KDM2B: variants seen among roughly 807,000 people sequenced by gnomAD.
The protein encoded by KDM2B is lysine-specific demethylase 2B.
Under a neutral mutation model 150.0 loss-of-function variants are expected in KDM2B, and 26 were observed. The ratio of observed to expected loss-of-function variants is 0.17; its 90% CI spans 0.13 to 0.24. The LOEUF (loss-of-function observed/expected upper bound fraction) is 0.24. KDM2B is among the 10% of genes least tolerant of loss of function. KDM2B has a pLI of 1.00. For missense variants in KDM2B, 1,265 were observed against 1,816.9 expected, an observed-to-expected ratio of 0.70 and a Z score of 5.52; for synonymous variants, 734 against 729.5, an observed-to-expected ratio of 1.01 and a Z score of -0.10.
At chr12:121,416,446 T>A in the KDM2B span, 1 of 1,041,190 alleles carries the variant, frequency 9.6e-7, no homozygotes, top group Non-Finnish European at 1.5e-6. Context: ...TTATTTTGAA[T>A]AGCTATTGAA....
At chr12:121,424,566 T>G (rs1872415548), downstream of KDM2B, among the ~76,000 whole-genome samples, 1 of 151,796 alleles carries the variant, frequency 6.6e-6, no homozygotes, top group South Asian at 2.1e-4. Context: ...ACCCTGTCTT[T>G]GGAAAAAATT....
chr12:121,467,098 A>G lies in KDM2B; in HGVS notation c.1735-13754T>C. Reference sequence around the variant, plus strand: ...GTCGCGGCCGCCCTCGGCGCGTCAGACAGGCGGTCGGGAGGTCGTGCGGCG... The same window carrying G: ...GTCGCGGCCGCCCTCGGCGCGTCAGGCAGGCGGTCGGGAGGTCGTGCGGCG... On this transcript the variant is annotated intron_variant, in intron 12 of 22. Transcript: ENST00000377071. The surrounding 1 kb of genome is among the most constrained non-coding windows in gnomAD (Gnocchi z 5.1). The G allele has an allele frequency of 9.9e-7, 1 of 1,012,556 alleles. No homozygotes were observed. The highest frequency in any genetic ancestry group is 2.0e-5 in the South Asian group (1 of 51,084). 62.7% of individuals were successfully genotyped at this position (1,012,556 alleles called of 1,614,324 possible). A position where few individuals can be genotyped will look rare whatever the true frequency, so the allele number is the denominator to read the frequency against.
chr12:121,425,869 C>T (rs1872488993), downstream of KDM2B, among the ~76,000 whole-genome samples: 1 of 151,668 alleles, frequency 6.6e-6, no homozygotes, highest in Admixed American at 6.6e-5. Flanking sequence ...TGGGTTCATG[C>T]CATTCTCCTG....
chr12:121,459,832 G>GAA (rs1205908155), intron 12 of KDM2B, among the ~76,000 whole-genome samples: 10 of 113,406 alleles, frequency 8.8e-5, no homozygotes, highest in Admixed American at 1.8e-4. Flanking sequence ...CTCCATCTCA[G>GAA]AAAAAAAAAA....
intron 10 of KDM2B, among the ~76,000 whole-genome samples, chr12:121,510,588 T>G (rs1593997827): frequency 1.3e-5 from 2 of 150,758 alleles, no homozygotes; most frequent in Admixed American, 6.6e-5. Flanking sequence ...AGCCCAGGAG[T>G]TTGAGACCAG....
intron 4 of KDM2B, among the ~76,000 whole-genome samples, chr12:121,560,817 A>G (rs969388444): frequency 2.0e-5 from 3 of 152,154 alleles, no homozygotes; most frequent in Non-Finnish European, 4.4e-5. Flanking sequence ...CAGGTAGCCT[A>G]AAGGGATGGA....
In KDM2B at chr12:121,549,682, G is replaced by T. The variant is rs1555311437; in HGVS notation, c.398-44C>A. On this transcript the variant is annotated intron_variant, in intron 4 of 22. Transcript: ENST00000377071. The surrounding 1 kb of genome is among the most constrained non-coding windows in gnomAD (Gnocchi z 4.4). ...CACTGGTTGTTCCTGCCGGCTTAAG[G>T]CTCCAGATCCTACATGGGAGCCCCT... is the stretch of plus-strand genomic sequence containing the variant. 2.7e-6 allele frequency: 4 copies of T among 1,508,906 alleles called. No homozygotes were observed. Among genetic ancestry groups the T allele is most frequent in the Admixed American group, 2.0e-5 (1 of 50,460 alleles). The allele number at this position is 1,508,906 out of a possible 1,614,324, so 93.5% of individuals were successfully genotyped here. A position where few individuals can be genotyped will look rare whatever the true frequency, so the allele number is the denominator to read the frequency against.
chr12:121,437,200 A>C lies in KDM2B; in HGVS notation c.3829+2657T>G, dbSNP rs115367081. Among the ~76,000 whole-genome samples, 1,360 of 152,232 alleles carry C rather than the reference A, an allele frequency of 8.9e-3. 24 individuals carry two copies. Among genetic ancestry groups the C allele is most frequent in the African/African-American group, 0.031 (1,280 of 41,514 alleles). ...AGCTCTCGTACAAAAACTGGTCAAG[A>C]AACTGATGAGTTGGGGGTGGGGAGG... On this transcript the variant is annotated intron_variant, in intron 22 of 22. Transcript: ENST00000377071.
chr12:121,561,188 G>A (rs1474616255), intron 4 of KDM2B, among the ~76,000 whole-genome samples: 10 of 152,158 alleles, frequency 6.6e-5, no homozygotes, highest in African/African-American at 1.9e-4. Flanking sequence ...CCTCGGGCTC[G>A]GGGCCAGGAC....
chr12:121,487,838 G>A (rs1431239664), intron 12 of KDM2B, among the ~76,000 whole-genome samples: 1 of 151,116 alleles, frequency 6.6e-6, no homozygotes, highest in Non-Finnish European at 1.5e-5. Flanking sequence ...CTGTGGCACG[G>A]TGTCGCGATC....
At chr12:121,492,496 CG>C (rs781804169) in intron 12 of KDM2B, among the ~76,000 whole-genome samples, 12 of 151,050 alleles carry the variant, frequency 7.9e-5, no homozygotes, top group Non-Finnish European at 1.8e-4. Context: ...TTAGTAGAGA[CG>C]GAGTTTCGCC....
chr12:121,571,018 A>C (rs535692481), intron 4 of KDM2B, among the ~76,000 whole-genome samples: 1 of 152,338 alleles, frequency 6.6e-6, no homozygotes, highest in East Asian at 1.9e-4. Context: ...AAAGAGAGTG[A>C]AGTACTGCCT....
intron 1 of KDM2B, among the ~76,000 whole-genome samples, chr12:121,579,834 G>A (rs564022523): frequency 9.2e-5 from 14 of 151,448 alleles, no homozygotes; most frequent in African/African-American, 3.4e-4. Context: ...GCCTCACAAG[G>A]GGCTGGAGGA....
rs58304715 is a variant in KDM2B at position 121,527,653 on chromosome 12, CAAAAAAA to C, written c.931+5146_931+5152del. On this transcript the variant is annotated intron_variant, in intron 8 of 22. Transcript: ENST00000377071. ...TGGGTGACAGAGGGAGACTCCGTCTCAAAAAAAAAAAAAAAAAAAAAAAAGTGGGGAA... is the reference window on the plus strand; with the variant it reads ...TGGGTGACAGAGGGAGACTCCGTCTCAAAAAAAAAAAAAAAAAGTGGGGAA... 3.2e-4 allele frequency among the ~76,000 whole-genome samples: 19 copies of C among 58,574 alleles called. No individual in the cohort carries two copies. In the South Asian group the frequency reaches 0.012, roughly 36 times the overall value. The allele number at this position is 58,574 out of a possible 152,430, so 38.4% of individuals were successfully genotyped here.
rs1457155058 is a variant in KDM2B at position 121,549,883 on chromosome 12, G to A, written c.398-245C>T. Among the ~76,000 whole-genome samples, 5 of 152,160 alleles carry A rather than the reference G, an allele frequency of 3.3e-5. No homozygotes were observed. Among genetic ancestry groups the A allele is most frequent in the African/African-American group, 1.2e-4 (5 of 41,432 alleles). ...GCGATGACCTCAAAAGCTACCTAAA[G>A]GGGCCCAAGCAGCTGGGCATGGTGG... On this transcript the variant is annotated intron_variant, in intron 4 of 22. Coordinates refer to ENST00000377071, the MANE Select transcript of KDM2B (RefSeq NM_032590.5). The surrounding 1 kb of genome is among the most constrained non-coding windows in gnomAD (Gnocchi z 4.4).
At position 121,487,218 on chromosome 12, in the gene KDM2B, A is replaced by G. The variant is rs1199927775; in HGVS notation, c.1734+7361T>C. On this transcript the variant is annotated intron_variant, in intron 12 of 22. Coordinates refer to ENST00000377071, the MANE Select transcript of KDM2B (RefSeq NM_032590.5). Reference sequence around the variant, plus strand: ...GAACTGGGGCATCCTTTTGCCACCCATATTTTTCTCTCAACGGGATTTTTC... The same window carrying G: ...GAACTGGGGCATCCTTTTGCCACCCGTATTTTTCTCTCAACGGGATTTTTC... 2.0e-5 allele frequency among the ~76,000 whole-genome samples: 3 copies of G among 152,178 alleles called. No homozygotes were observed. The East Asian group carries it at 5.8e-4, about 29-fold the overall frequency.
At chr12:121,448,948 G>GT (rs1478243418) in intron 13 of KDM2B, among the ~76,000 whole-genome samples, 28 of 152,340 alleles carry the variant, frequency 1.8e-4, no homozygotes, top group Non-Finnish European at 2.9e-5. Context: ...GGAGGACAGG[G>GT]TGGAGAGAAG....
chr12:121,528,508 G>A (rs1227857306), intron 8 of KDM2B, among the ~76,000 whole-genome samples: 1 of 151,948 alleles, frequency 6.6e-6, no homozygotes, highest in African/African-American at 2.4e-5. Context: ...GCAGTGAGTC[G>A]AGATGGTGCC....
the KDM2B span, chr12:121,415,253 A>G: frequency 3.4e-6 from 1 of 290,168 alleles, no homozygotes; most frequent in Non-Finnish European, 7.7e-6. Flanking sequence ...TCATTTAAAA[A>G]ATTATTTACA....
Sources: gnomAD v4.1 joint callset for allele counts (sites outside exome capture counted in the v4.1 genomes callset) on GRCh38, gnomAD v4.1.1 for gene constraint, Gnocchi (gnomAD v3.1) non-coding constraint, MANE v1.5 for transcripts, NCBI Gene and HGNC (gene_info 2026-07-23, HGNC 2026-07-21) for gene names.